Variants in CACTIN observed in about 807,000 individuals in gnomAD.
CACTIN encodes splicing factor Cactin.
CACTIN carries 20 observed loss-of-function variants against 84.9 expected under a neutral mutation model. The observed-to-expected ratio is 0.24, with a 90% CI of 0.17 to 0.34. CACTIN has a LOEUF of 0.34. Among genes scored for constraint, CACTIN ranks in the 10% least tolerant of loss-of-function variants. The probability of loss-of-function intolerance (pLI) is 1.00; values close to 1 mark genes in which losing one functional copy is unlikely to be tolerated. For synonymous variants in CACTIN, 549 were observed against 467.9 expected, an observed-to-expected ratio of 1.17 and a Z score of -2.24; for missense variants, 897 against 1,117.2, an observed-to-expected ratio of 0.80 and a Z score of 2.81.
Position 3,620,804 on chromosome 19 carries a change from TG to T in CACTIN, c.643-3del. 1 of 1,612,262 alleles carries T rather than the reference TG, an allele frequency of 6.2e-7. No individual in the cohort carries two copies. The highest frequency in any genetic ancestry group is 8.5e-7 in the Non-Finnish European group (1 of 1,179,414). ...GCTGATCCCCTTCTTCTCCAGGGCC[TG>T]GAAGCACCAGGCACACCTGCCCTGA... On this transcript the variant is annotated splice_polypyrimidine_tract_variant and splice_region_variant and intron_variant, in intron 2 of 9. Transcript: ENST00000429344.
chr19:3,613,031 CCCCCTGGCCTCCAG>C lies in CACTIN; in HGVS notation c.1786+13_1786+26del. The C allele has an allele frequency of 6.7e-7, 1 of 1,484,872 alleles. No homozygotes were observed. The highest frequency in any genetic ancestry group is 2.5e-5 in the East Asian group (1 of 40,572). 92.0% of individuals were successfully genotyped at this position (1,484,872 alleles called of 1,614,324 possible). A position where few individuals can be genotyped will look rare whatever the true frequency, so the allele number is the denominator to read the frequency against. On this transcript the variant is annotated intron_variant, in intron 9 of 9. Transcript: ENST00000429344. ...CCCCCAGCTCGCCCCACTGGCCCCA[CCCCCTGGCCTCCAG>C]CCCCGCCCTTACCCGTGACCTGGAG...
Position 3,624,115 on chromosome 19 carries a change from C to T in CACTIN, c.215G>A (p.Arg72Gln), listed in dbSNP as rs773571101. 22 of 1,586,218 alleles carry T rather than the reference C, an allele frequency of 1.4e-5. No homozygotes were observed. The highest frequency in any genetic ancestry group is 8.4e-5 in the Admixed American group (5 of 59,266). ...ERWQRSGMRS[R>Q]SPPRPKWHSR... ...GTGCCACTTGGGCCGCGGGGGGCTC[C>T]GGCTTCGCATCCCTGAGCGCTGCCA... Residue 72 changes from arginine (R) to glutamine (Q), a missense_variant, in exon 2 of 10, where the codon CGG (arginine) becomes CAG (glutamine). This residue lies in a region of CACTIN where 261 missense variants were observed against 243.8 expected (regional missense o/e 1.07). Transcript: ENST00000429344.
rs763353992 is a variant in CACTIN at position 3,611,924 on chromosome 19, C to T, written c.2276G>A (p.Ter759=). Residue 759 remains the stop codon, a stop_retained_variant, in exon 10 of 10, where the codon TGA becomes TAA. Coordinates refer to ENST00000429344, the MANE Select transcript of CACTIN (RefSeq NM_001080543.2). ...CCTGCCTGCCGTTCCCCAGGGCCGT[C>T]ACCGCCGATAGCGGTAGCGCTTGAA... The part of the protein sequence containing the change: ...FHFKRYRYRR[*] The T allele has an allele frequency of 1.2e-6, 2 of 1,612,560 alleles. No individual in the cohort carries two copies. Among genetic ancestry groups the T allele is most frequent in the Admixed American group, 3.3e-5 (2 of 60,012 alleles).
At chr19:3,613,717 G>T in intron 7 of CACTIN, 131 bp from the exon 8 acceptor site, 1 of 1,345,132 alleles carries the variant, frequency 7.4e-7, no homozygotes, top group Non-Finnish European at 1.0e-6. Flanking sequence ...CTCTGGCTGG[G>T]ACCTTTGCCC....
In CACTIN at chr19:3,612,540, G is replaced by A. The variant is rs529314608; in HGVS notation, c.1787-127C>T. The A allele has an allele frequency of 1.9e-3, 2,634 of 1,354,886 alleles. 2 individuals carry two copies. The highest frequency in any genetic ancestry group is 2.0e-3 in the Non-Finnish European group (2,001 of 1,022,088). The allele number at this position is 1,354,886 out of a possible 1,614,324, so 83.9% of individuals were successfully genotyped here. Reference sequence around the variant, plus strand: ...AGGAAAACAGGCTGGGGCGAGCTAAGGCACATGGGGAGGGGACAGGGCCTG... The same window carrying A: ...AGGAAAACAGGCTGGGGCGAGCTAAAGCACATGGGGAGGGGACAGGGCCTG... On this transcript the variant is annotated intron_variant, in intron 9 of 9. Transcript: ENST00000429344.
rs1192045459 is a variant in CACTIN, at chr19:3,611,777, G to A, written c.*146C>T. ...CCCCTTTTATATAGGAGGAAACTGA[G>A]GCCTGGCGAAAGAAAGATGCGGCCT... On this transcript the variant is annotated 3_prime_UTR_variant, in exon 10 of 10. Coordinates refer to ENST00000429344, the MANE Select transcript of CACTIN (RefSeq NM_001080543.2). 4.8e-6 allele frequency: 5 copies of A among 1,036,830 alleles called. No individual in the cohort carries two copies. In the Admixed American group the frequency reaches 8.0e-5, roughly 17 times the overall value. The allele number at this position is 1,036,830 out of a possible 1,614,324, so 64.2% of individuals were successfully genotyped here.
Position 3,623,671 on chromosome 19 carries a change from C to T in CACTIN, c.642+17G>A. On this transcript the variant is annotated intron_variant, in intron 2 of 9. Transcript: ENST00000429344. ...GAAATGCTACAGGGACAGAGGCCAC[C>T]ACCCGGCGGGGCCCACCTTATTCCA... is the stretch of plus-strand genomic sequence containing the variant. The T allele has an allele frequency of 1.3e-6, 2 of 1,577,748 alleles. No homozygotes were observed. Among genetic ancestry groups the T allele is most frequent in the African/African-American group, 2.7e-5 (2 of 74,120 alleles).
intron 6 of CACTIN, chr19:3,616,208 G>A (rs2033103472): frequency 6.6e-6 from 1 of 152,272 alleles, no homozygotes; most frequent in South Asian, 2.1e-4. Context: ...GGCTAATGAA[G>A]CTGAGCTGGG....
At chr19:3,614,308 G>A (rs1454911270) in intron 7 of CACTIN, 89 bp downstream of exon 7, 1 of 1,317,124 alleles carries the variant, frequency 7.6e-7, no homozygotes, top group African/African-American at 1.5e-5. Flanking sequence ...CCAGGAGGAG[G>A]CGAGACCCAC....
In CACTIN at chr19:3,621,589, G is replaced by A. The variant is rs576063836; in HGVS notation, c.643-787C>T. Reference sequence around the variant, plus strand: ...TGGGGCCGCTTCCACAGGCGTCAACGATGACCACATCTTCCTCCTCCATGG... The same window carrying A: ...TGGGGCCGCTTCCACAGGCGTCAACAATGACCACATCTTCCTCCTCCATGG... On this transcript the variant is annotated intron_variant, in intron 2 of 9. Transcript: ENST00000429344. 1.7e-4 allele frequency among the ~76,000 whole-genome samples: 26 copies of A among 152,338 alleles called. No individual in the cohort carries two copies. The South Asian group carries it at 5.0e-3, about 29-fold the overall frequency.
chr19:3,612,948 A>C, intron 9 of CACTIN, 110 bp downstream of exon 9: 1 of 1,302,092 alleles, frequency 7.7e-7, no homozygotes, highest in Admixed American at 2.0e-5. Context: ...AGAAGCAGCA[A>C]GCAGCTCCCC....
rs184007815 is a variant in CACTIN, at chr19:3,623,401, C to T, written c.642+287G>A. Among the ~76,000 whole-genome samples, 693 of 150,606 alleles carry T rather than the reference C, an allele frequency of 4.6e-3. 3 individuals carry two copies. Among genetic ancestry groups the T allele is most frequent in the Non-Finnish European group, 4.9e-3 (330 of 67,648 alleles). On this transcript the variant is annotated intron_variant, in intron 2 of 9. Coordinates refer to ENST00000429344, the MANE Select transcript of CACTIN (RefSeq NM_001080543.2). ...AAAATTAGCCGGGCGTGGTAGCGGGCGCCTGTAGCCCCAGCTACTCAGGAG... is the reference window on the plus strand; with the variant it reads ...AAAATTAGCCGGGCGTGGTAGCGGGTGCCTGTAGCCCCAGCTACTCAGGAG...
At position 3,620,089 on chromosome 19, in the gene CACTIN, C is replaced by T. The variant is rs1277318641; in HGVS notation, c.884+38G>A. On this transcript the variant is annotated intron_variant, in intron 4 of 9. Coordinates refer to ENST00000429344, the MANE Select transcript of CACTIN (RefSeq NM_001080543.2). ...GACAGCCAGTGCCCGGCCCTGGCTC[C>T]AAGTCTGGGTCGGAGGGAGGGGGAG... 4.4e-6 allele frequency: 7 copies of T among 1,603,766 alleles called. No homozygotes were observed. The African/African-American group carries it at 6.7e-5, about 15-fold the overall frequency.
intron 2 of CACTIN, among the ~76,000 whole-genome samples, chr19:3,621,818 G>A (rs1479157988): frequency 6.6e-6 from 1 of 152,338 alleles, no homozygotes; most frequent in East Asian, 1.9e-4. Flanking sequence ...GGCAGAGCAT[G>A]TCCAGGCAGG....
In CACTIN at chr19:3,611,872, A is replaced by T. The variant is rs2032962818; in HGVS notation, c.*51T>A. On this transcript the variant is annotated 3_prime_UTR_variant, in exon 10 of 10. Transcript: ENST00000429344. The stretch of plus-strand genomic sequence containing the variant: ...CCGGAGTGACCACCAGCTTCACCGA[A>T]GCCCCTTTACTGTGCCCCCGAGGAC... 1 of 1,596,076 alleles carries T rather than the reference A, an allele frequency of 6.3e-7. No homozygotes were observed. The highest frequency in any genetic ancestry group is 8.5e-7 in the Non-Finnish European group (1 of 1,174,674).
chr19:3,618,900 C>A lies in CACTIN; in HGVS notation c.1137G>T (p.Lys379Asn), dbSNP rs1256513529. 1.9e-6 allele frequency: 3 copies of A among 1,554,752 alleles called. No individual in the cohort carries two copies. Among genetic ancestry groups the A allele is most frequent in the Non-Finnish European group, 1.7e-6 (2 of 1,148,938 alleles). The change falls in exon 6 of 10, where the codon AAG (lysine) becomes AAT (asparagine). Residue 379 changes from lysine (K) to asparagine (N), a missense_variant. This residue lies in a region of CACTIN where 304 missense variants were observed against 444.3 expected (regional missense o/e 0.68). Coordinates refer to ENST00000429344, the MANE Select transcript of CACTIN (RefSeq NM_001080543.2). ...CTGGCCCCTTGCCCGAGGCCTCCAG[C>A]TTGCGGAGCTTGGAGATCTCGTCCT... ...ITEDEISKLR[K>N]LEASGKGPGE...
Position 3,611,558 on chromosome 19 carries a change from C to CA in CACTIN, c.*364dup. 1 of 374,132 alleles carries CA rather than the reference C, an allele frequency of 2.7e-6. No individual in the cohort carries two copies. The highest frequency in any genetic ancestry group is 5.2e-6 in the Non-Finnish European group (1 of 193,522). 23.2% of individuals were successfully genotyped at this position (374,132 alleles called of 1,614,324 possible). On this transcript the variant is annotated 3_prime_UTR_variant, in exon 10 of 10. Transcript: ENST00000429344. ...CACCCTGTGTGGCCGCCACTTGGGG[C>CA]AGGCCCTGTGGGCCCCACCCAGCCT...
At chr19:3,620,559 G>A in intron 3 of CACTIN, 148 bp downstream of exon 3, 1 of 673,710 alleles carries the variant, frequency 1.5e-6, no homozygotes, top group South Asian at 1.9e-5. Flanking sequence ...CAGTTTCCTG[G>A]GGCCATGGTC....
In CACTIN at chr19:3,620,241, T is replaced by G. The variant is rs1291187393; in HGVS notation, c.770A>C (p.Glu257Ala). The change falls in exon 4 of 10, where the codon GAG becomes GCG. Residue 257 changes from glutamate to alanine, a missense_variant. Glu to Ala is a moderately radical substitution (Grantham distance 107, BLOSUM62 -1). This residue lies in a region of CACTIN where 304 missense variants were observed against 444.3 expected (regional missense o/e 0.68). Transcript: ENST00000429344. ...CAGCTCCTGCTCGCGCATGGCCTTCTCCCGCTCCCGCTCCAGCCGCAGCTG... is the reference window on the plus strand; with the variant it reads ...CAGCTCCTGCTCGCGCATGGCCTTCGCCCGCTCCCGCTCCAGCCGCAGCTG... ...VKQLRLEREREKAMREQELEM... is the reference protein window; with the variant it reads ...VKQLRLERERAKAMREQELEM... 5 of 1,582,502 alleles carry G rather than the reference T, an allele frequency of 3.2e-6. No individual in the cohort carries two copies. Among genetic ancestry groups the G allele is most frequent in the African/African-American group, 2.7e-5 (2 of 74,422 alleles).
Sources: gnomAD v4.1 joint callset for allele counts (sites outside exome capture counted in the v4.1 genomes callset) on GRCh38, gnomAD v4.1.1 for gene constraint, gnomAD v4.1.1 regional missense constraint, MANE v1.5 for transcripts, NCBI Gene and HGNC (gene_info 2026-07-23, HGNC 2026-07-21) for gene names.